GRM3: variants seen among roughly 807,000 people sequenced by gnomAD.
GRM3 encodes the protein glutamate metabotropic receptor 3, also known as metabotropic glutamate receptor 3.
In GRM3, 26 loss-of-function variants were observed where a neutral mutation model predicts 70.5. That is an observed-to-expected ratio of 0.37 (90% confidence interval 0.27 to 0.51). The LOEUF (loss-of-function observed/expected upper bound fraction) is 0.51, where lower values mean the gene tolerates loss of function less well. GRM3 is among the 20% of genes least tolerant of loss of function. The pLI is 0.93. For missense variants in GRM3, 859 were observed against 1,123.8 expected, an observed-to-expected ratio of 0.76 and a Z score of 3.37; for synonymous variants, 443 against 434.9, an observed-to-expected ratio of 1.02 and a Z score of -0.23.
At chr7:86,761,045 A>G (rs538745036) in intron 1 of GRM3, among the ~76,000 whole-genome samples, 1 of 152,308 alleles carries the variant, frequency 6.6e-6, no homozygotes, top group South Asian at 2.1e-4. Flanking sequence ...ACTAATGATG[A>G]AAATAGTTCA....
chr7:86,784,244 C>T (rs1160799574), intron 2 of GRM3: 1 of 151,526 alleles, frequency 6.6e-6, no homozygotes, highest in Non-Finnish European at 1.5e-5. Context: ...TTTCTCATTA[C>T]TCCTACCCCT....
chr7:86,783,926 G>A (rs1797150276), intron 2 of GRM3, among the ~76,000 whole-genome samples: 1 of 152,122 alleles, frequency 6.6e-6, no homozygotes, highest in African/African-American at 2.4e-5. Context: ...CTCACCAAAT[G>A]TGCCTCCTTT....
intron 3 of GRM3, among the ~76,000 whole-genome samples, chr7:86,822,327 A>C (rs1290925137): frequency 6.6e-6 from 1 of 152,150 alleles, no homozygotes; most frequent in South Asian, 2.1e-4. Context: ...AGTAATAATA[A>C]GATATACAGA....
chr7:86,725,073 T>G (rs747383006), intron 1 of GRM3, among the ~76,000 whole-genome samples: 3 of 152,134 alleles, frequency 2.0e-5, no homozygotes, highest in Non-Finnish European at 2.9e-5. Flanking sequence ...AGGGGATGTA[T>G]GCATTGGAGT....
At chr7:86,712,460 T>A (rs1795220935) in intron 1 of GRM3, among the ~76,000 whole-genome samples, 1 of 151,890 alleles carries the variant, frequency 6.6e-6, no homozygotes, top group Admixed American at 6.6e-5. Context: ...GTCATATACA[T>A]CACCTTGAAT....
intron 1 of GRM3, among the ~76,000 whole-genome samples, chr7:86,661,251 T>C (rs868316789): frequency 1.3e-5 from 2 of 152,006 alleles, no homozygotes; most frequent in Admixed American, 6.6e-5. Flanking sequence ...TATGATGCAA[T>C]GTATGACACA....
intron 1 of GRM3, among the ~76,000 whole-genome samples, chr7:86,687,278 C>T (rs1255855357): frequency 6.6e-6 from 1 of 151,666 alleles, no homozygotes; most frequent in Non-Finnish European, 1.5e-5. Context: ...AAACACAAAG[C>T]ACAATAAAGG....
chr7:86,822,538 G>A (rs1440080887), intron 3 of GRM3, among the ~76,000 whole-genome samples: 1 of 152,068 alleles, frequency 6.6e-6, no homozygotes, highest in East Asian at 1.9e-4. Context: ...AGCACAAGTG[G>A]AAAAAAATGC....
chr7:86,710,566 T>TG (rs1171125332), intron 1 of GRM3, among the ~76,000 whole-genome samples: 60 of 8,106 alleles, frequency 7.4e-3, no homozygotes, highest in African/African-American at 0.031. Flanking sequence ...GTGTGTGTGG[T>TG]GGGGGGTGGG....
chr7:86,725,365 G>T (rs1481955806), intron 1 of GRM3, among the ~76,000 whole-genome samples: 1 of 152,078 alleles, frequency 6.6e-6, no homozygotes, highest in Non-Finnish European at 1.5e-5. Flanking sequence ...GATTCTGAGA[G>T]CCAGGAATTT....
At chr7:86,846,909 A>C (rs2116760385) in intron 4 of GRM3, among the ~76,000 whole-genome samples, 1 of 152,308 alleles carries the variant, frequency 6.6e-6, no homozygotes, top group South Asian at 2.1e-4. Context: ...CTATACTTAC[A>C]AGGCAACAAG....
chr7:86,759,956 C>T (rs188849863), intron 1 of GRM3, among the ~76,000 whole-genome samples: 97 of 152,262 alleles, frequency 6.4e-4, no homozygotes, highest in Admixed American at 2.4e-3. Context: ...TCTAGAGCAA[C>T]GGCTATGCCT....
At chr7:86,672,970 CA>C (rs1457751076) in intron 1 of GRM3, among the ~76,000 whole-genome samples, 1 of 151,984 alleles carries the variant, frequency 6.6e-6, no homozygotes, top group Non-Finnish European at 1.5e-5. Context: ...TCTCTATACC[CA>C]AAAAAGGTAA....
In GRM3 at chr7:86,864,294, C is replaced by T. The variant is rs550784993; in HGVS notation, c.2579C>T (p.Thr860Met). 9.4e-6 allele frequency: 15 copies of T among 1,588,120 alleles called. No homozygotes were observed. Among genetic ancestry groups the T allele is most frequent in the South Asian group, 3.3e-5 (3 of 90,514 alleles). The change falls in exon 6 of 6, where the codon ACG becomes ATG. Residue 860 changes from threonine (T) to methionine (M), a missense_variant. Thr to Met is a moderately conservative substitution (Grantham distance 81). Transcript: ENST00000361669. ...CTTTGTTTTCCAGCCTCTGCAAGCACGTATGTGCCAACGGTGTGCAATGGG... is the reference window on the plus strand; with the variant it reads ...CTTTGTTTTCCAGCCTCTGCAAGCATGTATGTGCCAACGGTGTGCAATGGG... ...GTTYSQSSAS[T>M]YVPTVCNGRE...
chr7:86,724,059 T>C (rs1480124708), intron 1 of GRM3, among the ~76,000 whole-genome samples: 2 of 152,204 alleles, frequency 1.3e-5, no homozygotes, highest in Non-Finnish European at 2.9e-5. Context: ...CACCATTTCA[T>C]AGCCTTTGCA....
intron 1 of GRM3, among the ~76,000 whole-genome samples, chr7:86,750,156 A>G (rs1414600782): frequency 6.6e-6 from 1 of 152,138 alleles, no homozygotes; most frequent in Non-Finnish European, 1.5e-5. Flanking sequence ...AATTTAGTCA[A>G]CAAATATTTA....
intron 3 of GRM3, among the ~76,000 whole-genome samples, chr7:86,805,006 T>C (rs1359194124): frequency 6.6e-6 from 1 of 152,100 alleles, no homozygotes; most frequent in East Asian, 1.9e-4. Context: ...CCCAGCTACC[T>C]GGGAGGTTGA....
At chr7:86,799,276 A>G (rs1797627188) in intron 3 of GRM3, among the ~76,000 whole-genome samples, 1 of 152,148 alleles carries the variant, frequency 6.6e-6, no homozygotes, top group South Asian at 2.1e-4. Context: ...GGTTTTCTAA[A>G]GATCATGGCA....
At chr7:86,808,979 AG>A in intron 3 of GRM3, among the ~76,000 whole-genome samples, 1 of 152,200 alleles carries the variant, frequency 6.6e-6, no homozygotes, top group South Asian at 2.1e-4. Context: ...GAGAAGTGAC[AG>A]GAACAATATC....
Sources: gnomAD v4.1 joint callset for allele counts (sites outside exome capture counted in the v4.1 genomes callset) on GRCh38, gnomAD v4.1.1 for gene constraint, MANE v1.5 for transcripts, NCBI Gene and HGNC (gene_info 2026-07-23, HGNC 2026-07-21) for gene names.